LTBP1: variants seen among roughly 807,000 people sequenced by gnomAD.
LTBP1 encodes latent-transforming growth factor beta-binding protein 1.
LTBP1 carries 129 observed loss-of-function variants against 207.6 expected under a neutral mutation model. That is an observed-to-expected ratio of 0.62 (90% confidence interval 0.54 to 0.72). The LOEUF (loss-of-function observed/expected upper bound fraction) is 0.72, where lower values mean the gene tolerates loss of function less well. LTBP1 is among the 30% of genes least tolerant of loss of function. LTBP1 has a pLI of 0.00. For synonymous variants in LTBP1, 963 were observed against 833.7 expected (o/e 1.16, Z -2.67); for missense variants, 2,281 against 2,217.2 (o/e 1.03, Z -0.58).
At chr2:33,021,671 G>C (rs2075175090) in intron 3 of LTBP1, among the ~76,000 whole-genome samples, 1 of 152,170 alleles carries the variant, frequency 6.6e-6, no homozygotes, top group Admixed American at 6.5e-5. Context: ...TGCAAAGAGA[G>C]AATTTCTCAA....
intron 24 of LTBP1, among the ~76,000 whole-genome samples, chr2:33,332,130 T>C (rs924459801): frequency 1.2e-4 from 19 of 152,080 alleles, no homozygotes; most frequent in African/African-American, 4.1e-4. Context: ...CACTCAAATG[T>C]TTATTCCTGT....
At chr2:33,239,902 TTAAA>T (rs56284447) in intron 9 of LTBP1, among the ~76,000 whole-genome samples, 282 of 144,248 alleles carry the variant, frequency 2.0e-3, no homozygotes, top group Middle Eastern at 0.014. Context: ...AGACTCCATC[TTAAA>T]TAAATAAATA....
chr2:33,275,411 G>A (rs572774094), intron 17 of LTBP1, among the ~76,000 whole-genome samples: 4 of 152,218 alleles, frequency 2.6e-5, no homozygotes, highest in East Asian at 1.9e-4. Flanking sequence ...CTGGCCAGGC[G>A]CCATGGCCCA....
At chr2:33,221,160 G>A (rs1028985259) in intron 8 of LTBP1, among the ~76,000 whole-genome samples, 7 of 152,086 alleles carry the variant, frequency 4.6e-5, no homozygotes, top group African/African-American at 1.7e-4. Flanking sequence ...CATAGCAATG[G>A]CATTTGACAC....
intron 26 of LTBP1, among the ~76,000 whole-genome samples, chr2:33,354,683 TACACACACACACACACACACACACAC>T (rs71409608): frequency 3.6e-5 from 5 of 139,656 alleles, no homozygotes; most frequent in African/African-American, 7.9e-5. Context: ...ACTAAAACTA[TACACACACACACACACACACACACAC>T]ACACACACAC....
intron 20 of LTBP1, among the ~76,000 whole-genome samples, chr2:33,296,654 G>A (rs907017673): frequency 4.6e-5 from 7 of 152,022 alleles, no homozygotes; most frequent in Admixed American, 4.6e-4. Flanking sequence ...AGATTGGTTG[G>A]GGAGACAAGA....
chr2:33,212,056 G>T (rs2090350463), intron 7 of LTBP1, among the ~76,000 whole-genome samples: 1 of 152,108 alleles, frequency 6.6e-6, no homozygotes, highest in Non-Finnish European at 1.5e-5. Flanking sequence ...AAAATTAAAG[G>T]TTTTTTTCAC....
At chr2:33,157,612 T>G (rs973385194) in intron 5 of LTBP1, among the ~76,000 whole-genome samples, 2 of 152,166 alleles carry the variant, frequency 1.3e-5, no homozygotes, top group Non-Finnish European at 2.9e-5. Context: ...CATTTCCAAG[T>G]GAGATGGTTT....
intron 3 of LTBP1, among the ~76,000 whole-genome samples, chr2:33,070,009 T>C (rs2077709471): frequency 6.6e-6 from 1 of 152,174 alleles, no homozygotes; most frequent in Non-Finnish European, 1.5e-5. Flanking sequence ...CTTCTTACAG[T>C]GAAAGCATAA....
At chr2:32,988,723 C>T (rs1683968150) in intron 2 of LTBP1, among the ~76,000 whole-genome samples, 1 of 152,204 alleles carries the variant, frequency 6.6e-6, no homozygotes, top group South Asian at 2.1e-4. Flanking sequence ...CCACCTTCCA[C>T]ATGCTGCAGA....
chr2:33,006,380 C>G (rs1485718786), intron 2 of LTBP1, among the ~76,000 whole-genome samples: 2 of 118,770 alleles, frequency 1.7e-5, no homozygotes, highest in African/African-American at 5.9e-5. Flanking sequence ...AATAAGAAAG[C>G]CTTTTTTTTT....
intron 9 of LTBP1, among the ~76,000 whole-genome samples, chr2:33,222,395 G>A (rs906658672): frequency 2.6e-5 from 4 of 152,204 alleles, no homozygotes; most frequent in Admixed American, 2.6e-4. Context: ...ATTTAAAAGA[G>A]TTTGGATCAC....
chr2:33,217,418 A>G, intron 7 of LTBP1, 134 bp from the exon 8 acceptor site: 1 of 529,154 alleles, frequency 1.9e-6, no homozygotes, highest in East Asian at 2.9e-5. Context: ...TCCAAGTTTT[A>G]TAGTTTTTTT....
At chr2:33,165,332 C>T (rs1465459109) in intron 5 of LTBP1, among the ~76,000 whole-genome samples, 9 of 152,104 alleles carry the variant, frequency 5.9e-5, no homozygotes, top group South Asian at 2.1e-4. Context: ...ATAGGCGAGA[C>T]GCTGAAGAGA....
At chr2:33,194,823 G>T (rs2088356950) in intron 7 of LTBP1, among the ~76,000 whole-genome samples, 2 of 152,322 alleles carry the variant, frequency 1.3e-5, no homozygotes, top group East Asian at 1.9e-4. Context: ...GAAAGTCATT[G>T]CTTGGCTTCA....
intron 5 of LTBP1, among the ~76,000 whole-genome samples, chr2:33,168,637 T>A (rs563333964): frequency 2.8e-4 from 42 of 151,996 alleles, no homozygotes; most frequent in African/African-American, 8.0e-4. Context: ...TTGTGTTACA[T>A]GGAGATTTAA....
chr2:32,961,912 T>G (rs1257267924), intron 2 of LTBP1, among the ~76,000 whole-genome samples: 1 of 143,848 alleles, frequency 7.0e-6, no homozygotes, highest in Non-Finnish European at 1.5e-5. Flanking sequence ...GCCATTGCAC[T>G]CCAGCCTGGG....
At chr2:32,972,096 G>C (rs957045059) in intron 2 of LTBP1, among the ~76,000 whole-genome samples, 1 of 145,338 alleles carries the variant, frequency 6.9e-6, no homozygotes, top group African/African-American at 2.5e-5. Flanking sequence ...AGAAGTGTTT[G>C]CAAGAGTCTC....
chr2:33,276,682 C>T (rs1421356490), intron 18 of LTBP1, among the ~76,000 whole-genome samples: 1 of 152,130 alleles, frequency 6.6e-6, no homozygotes, highest in Non-Finnish European at 1.5e-5. Context: ...GAAACTCCCT[C>T]TCTCCTAAAA....
Sources: gnomAD v4.1 joint callset for allele counts (sites outside exome capture counted in the v4.1 genomes callset) on GRCh38, gnomAD v4.1.1 for gene constraint, MANE v1.5 for transcripts, NCBI Gene and HGNC (gene_info 2026-07-23, HGNC 2026-07-21) for gene names.